Variants in SNX7 observed in about 807,000 individuals in gnomAD.
The protein encoded by SNX7 is sorting nexin-7.
Under a neutral mutation model 48.4 loss-of-function variants are expected in SNX7, and 35 were observed. The ratio of observed to expected loss-of-function variants is 0.72; its 90% CI spans 0.55 to 0.96. The LOEUF is 0.96. SNX7 is among the 40% of genes least tolerant of loss of function. SNX7 has a pLI of 0.00. For missense variants in SNX7, 553 were observed against 548.9 expected (o/e 1.01, Z -0.07); for synonymous variants, 190 against 190.2 (o/e 1.00, Z 0.01).
intron 1 of SNX7, among the ~76,000 whole-genome samples, chr1:98,674,369 C>T (rs191077528): frequency 1.0e-3 from 156 of 152,196 alleles, no homozygotes; most frequent in African/African-American, 3.3e-3. Context: ...TTCTGAGGGC[C>T]GTGAGAGAGG....
chr1:98,694,640 C>T (rs1651349803), intron 4 of SNX7, among the ~76,000 whole-genome samples: 1 of 108,304 alleles, frequency 9.2e-6, no homozygotes, highest in African/African-American at 3.7e-5. Context: ...TGGAGTCTCG[C>T]TCTGTGGCTC....
At chr1:98,704,541 G>A (rs967702295) in intron 7 of SNX7, among the ~76,000 whole-genome samples, 6 of 152,094 alleles carry the variant, frequency 3.9e-5, no homozygotes, top group Non-Finnish European at 7.4e-5. Flanking sequence ...AAAATGAACC[G>A]GCCTTGATTG....
intron 7 of SNX7, among the ~76,000 whole-genome samples, chr1:98,726,951 C>T (rs892709379): frequency 6.6e-6 from 1 of 152,168 alleles, no homozygotes; most frequent in Non-Finnish European, 1.5e-5. Context: ...TGGCTCATGC[C>T]TGTAATCCCA....
intron 8 of SNX7, among the ~76,000 whole-genome samples, chr1:98,738,724 T>A (rs1265393920): frequency 2.0e-5 from 3 of 152,216 alleles, no homozygotes; most frequent in Non-Finnish European, 4.4e-5. Context: ...GGGCCTGTTC[T>A]CTATGTCCTT....
intron 7 of SNX7, among the ~76,000 whole-genome samples, 164 bp downstream of exon 7, chr1:98,702,067 T>G (rs1167859369): frequency 6.6e-6 from 1 of 152,126 alleles, no homozygotes; most frequent in Admixed American, 6.6e-5. Flanking sequence ...TGTTATACAT[T>G]GGATACCATG....
At chr1:98,704,029 A>G (rs1324246678) in intron 7 of SNX7, among the ~76,000 whole-genome samples, 1 of 152,166 alleles carries the variant, frequency 6.6e-6, no homozygotes, top group Non-Finnish European at 1.5e-5. Context: ...ACAAGGAAAA[A>G]AATAGCCTGG....
At chr1:98,716,822 T>C (rs1652615813) in intron 7 of SNX7, among the ~76,000 whole-genome samples, 1 of 152,100 alleles carries the variant, frequency 6.6e-6, no homozygotes. Context: ...AATAAAAGTT[T>C]GGTGTTTTCT....
At chr1:98,670,018 A>G (rs1305585805) in intron 1 of SNX7, among the ~76,000 whole-genome samples, 1 of 152,250 alleles carries the variant, frequency 6.6e-6, no homozygotes, top group African/African-American at 2.4e-5. Context: ...TCATATTTAT[A>G]GAGACAGTTA....
At chr1:98,710,494 A>G (rs1652245863) in intron 7 of SNX7, among the ~76,000 whole-genome samples, 2 of 152,116 alleles carry the variant, frequency 1.3e-5, no homozygotes, top group African/African-American at 4.8e-5. Context: ...GGACAAGTAA[A>G]AGGGGTAGTT....
At chr1:98,664,511 C>T (rs756090070) in intron 1 of SNX7, among the ~76,000 whole-genome samples, 4 of 152,090 alleles carry the variant, frequency 2.6e-5, no homozygotes, top group Non-Finnish European at 4.4e-5. Flanking sequence ...ACCTGAGTGA[C>T]GGAGTGAGAC....
intron 2 of SNX7, among the ~76,000 whole-genome samples, chr1:98,688,655 G>A (rs9727872): frequency 0.14 from 21,600 of 152,142 alleles, 1,719 homozygotes; most frequent in South Asian, 0.19. Flanking sequence ...AAATGCTTTT[G>A]GGGGTAGAGA....
At chr1:98,678,475 C>A (rs1456318947) in intron 1 of SNX7, among the ~76,000 whole-genome samples, 1 of 152,110 alleles carries the variant, frequency 6.6e-6, no homozygotes, top group Non-Finnish European at 1.5e-5. Flanking sequence ...ATATTTATTT[C>A]CTAGCATTAA....
At chr1:98,708,362 C>G (rs1404818138) in intron 7 of SNX7, among the ~76,000 whole-genome samples, 1 of 152,102 alleles carries the variant, frequency 6.6e-6, no homozygotes, top group Non-Finnish European at 1.5e-5. Context: ...TTCCTCAAAA[C>G]TTGTTGGTCA....
intron 1 of SNX7, among the ~76,000 whole-genome samples, chr1:98,682,257 T>TA (rs898195516): frequency 4.6e-5 from 7 of 152,068 alleles, no homozygotes; most frequent in African/African-American, 1.7e-4. Flanking sequence ...ATCTCCTTGA[T>TA]ACCCTGGATA....
At chr1:98,718,034 G>A (rs1652680773) in intron 7 of SNX7, among the ~76,000 whole-genome samples, 1 of 152,106 alleles carries the variant, frequency 6.6e-6, no homozygotes, top group Non-Finnish European at 1.5e-5. Context: ...CTCCATAAAT[G>A]AGGAAATGAA....
chr1:98,750,931 C>T (rs1654549807), intron 8 of SNX7, among the ~76,000 whole-genome samples: 1 of 152,062 alleles, frequency 6.6e-6, no homozygotes, highest in Non-Finnish European at 1.5e-5. Flanking sequence ...CATATTTATA[C>T]ATTACATATG....
intron 1 of SNX7, among the ~76,000 whole-genome samples, chr1:98,682,498 A>T (rs1650556935): frequency 6.6e-6 from 1 of 152,132 alleles, no homozygotes; most frequent in Admixed American, 6.5e-5. Flanking sequence ...CTATTTCTGA[A>T]ATGGCTTAAT....
At chr1:98,716,964 A>G (rs902299049) in intron 7 of SNX7, among the ~76,000 whole-genome samples, 3 of 152,076 alleles carry the variant, frequency 2.0e-5, no homozygotes, top group African/African-American at 7.2e-5. Flanking sequence ...ACTAAAATCA[A>G]AGCAAAAAGG....
chr1:98,687,585 CAGGATAGGTCTGACAAA>C (rs1650875226), intron 2 of SNX7, among the ~76,000 whole-genome samples: 1 of 152,118 alleles, frequency 6.6e-6, no homozygotes, highest in African/African-American at 2.4e-5. Flanking sequence ...TATCAGTGAT[CAGGATAGGTCTGACAAA>C]AGGAACTTTC....
Sources: allele counts gnomAD v4.1 joint callset (sites outside exome capture counted in the v4.1 genomes callset), GRCh38; gene constraint gnomAD v4.1.1; transcripts MANE v1.5; gene names NCBI Gene and HGNC (gene_info 2026-07-23, HGNC 2026-07-21).